MDGA2: variants seen among roughly 807,000 people sequenced by gnomAD.
MDGA2 encodes MAM domain containing glycosylphosphatidylinositol anchor 2.
Under a neutral mutation model 117.8 loss-of-function variants are expected in MDGA2, and 40 were observed. That is an observed-to-expected ratio of 0.34 (90% CI 0.26 to 0.44). The LOEUF is 0.44. Ranked by LOEUF, MDGA2 falls within the 20% of genes least tolerant of loss-of-function variation. The pLI, the probability that MDGA2 is intolerant of heterozygous loss-of-function variation, is 1.00. For synonymous variants in MDGA2, 452 were observed against 439.0 expected (o/e 1.03, Z -0.37); for missense variants, 1,123 against 1,250.6 (o/e 0.90, Z 1.54).
intron 1 of MDGA2, among the ~76,000 whole-genome samples, chr14:47,404,868 T>A (rs1385731967): frequency 6.6e-6 from 1 of 152,170 alleles, no homozygotes; most frequent in African/African-American, 2.4e-5. Flanking sequence ...ATGACAGATA[T>A]CTTTTAAGTA....
In MDGA2 at chr14:47,323,920, G is replaced by A. The variant is rs1438201583; in HGVS notation, c.281-22370C>T. On this transcript the variant is annotated intron_variant, in intron 1 of 16. Transcript: ENST00000399232. ...AATTCAATTTGATGAATATTTAATT[G>A]AGTAGCTACTCTATACAAAATGGTG... is the stretch of plus-strand genomic sequence containing the variant. 3.3e-5 allele frequency among the ~76,000 whole-genome samples: 5 copies of A among 152,094 alleles called. No homozygotes were observed. The East Asian group carries it at 9.7e-4, about 30-fold the overall frequency.
rs114956194 is a variant in MDGA2 at position 47,191,796 on chromosome 14, G to T, written c.595+26225C>A. Among the ~76,000 whole-genome samples, 7 of 152,206 alleles carry T rather than the reference G, an allele frequency of 4.6e-5. No homozygotes were observed. The East Asian group carries it at 1.4e-3, about 29-fold the overall frequency. On this transcript the variant is annotated intron_variant, in intron 3 of 16. Transcript: ENST00000399232. ...ACCGCAGTCAGAAAAGAGTAATATT[G>T]CATATCTACTGTTTAGCTTTTCTTC...
intron 8 of MDGA2, among the ~76,000 whole-genome samples, chr14:46,990,769 T>C (rs1887056810): frequency 6.6e-6 from 1 of 151,910 alleles, no homozygotes; most frequent in South Asian, 2.1e-4. Context: ...TTGCTGGTTA[T>C]AGCAATGTGC....
chr14:46,845,707 A>G, intron 16 of MDGA2, 59 bp downstream of exon 16: 2 of 1,028,132 alleles, frequency 1.9e-6, no homozygotes, highest in Non-Finnish European at 2.9e-6. Flanking sequence ...TTAAATGTTA[A>G]TTTAATAGTA....
intron 1 of MDGA2, among the ~76,000 whole-genome samples, chr14:47,404,590 G>A (rs1179361033): frequency 1.3e-5 from 2 of 152,110 alleles, no homozygotes; most frequent in Non-Finnish European, 2.9e-5. Context: ...AAACTCCTGG[G>A]CTCCAGTGAT....
chr14:47,091,322 C>T (rs1165914996), intron 6 of MDGA2, among the ~76,000 whole-genome samples: 1 of 151,976 alleles, frequency 6.6e-6, no homozygotes, highest in Non-Finnish European at 1.5e-5. Flanking sequence ...CTAAATAAGA[C>T]AATAAACAGA....
At chr14:47,634,089 G>C (rs1050029410) in intron 1 of MDGA2, among the ~76,000 whole-genome samples, 1 of 152,078 alleles carries the variant, frequency 6.6e-6, no homozygotes, top group Admixed American at 6.5e-5. Flanking sequence ...TGTTTGTATA[G>C]TTTGACTCAG....
At chr14:47,444,877 T>C (rs1893089039) in intron 1 of MDGA2, among the ~76,000 whole-genome samples, 2 of 152,290 alleles carry the variant, frequency 1.3e-5, no homozygotes, top group Non-Finnish European at 2.9e-5. Flanking sequence ...GGAGGAGTTG[T>C]ACATTGAAAT....
chr14:47,357,236 G>C (rs1315197670), intron 1 of MDGA2, among the ~76,000 whole-genome samples: 1 of 152,154 alleles, frequency 6.6e-6, no homozygotes, highest in Non-Finnish European at 1.5e-5. Flanking sequence ...CACTATAATA[G>C]ACCCAAAAGG....
At chr14:47,020,940 T>C (rs1349269623) in intron 8 of MDGA2, among the ~76,000 whole-genome samples, 6 of 152,126 alleles carry the variant, frequency 3.9e-5, no homozygotes, top group Non-Finnish European at 7.4e-5. Flanking sequence ...AAGAAAATAA[T>C]TTTTAAATTA....
At chr14:46,912,967 G>C (rs1158894952) in intron 10 of MDGA2, among the ~76,000 whole-genome samples, 1 of 152,124 alleles carries the variant, frequency 6.6e-6, no homozygotes, top group Admixed American at 6.6e-5. Flanking sequence ...TCCAGAGCCA[G>C]AGAGACCATT....
intron 5 of MDGA2, among the ~76,000 whole-genome samples, chr14:47,121,045 C>T (rs1048803569): frequency 6.6e-6 from 1 of 152,000 alleles, no homozygotes; most frequent in African/African-American, 2.4e-5. Context: ...GAAGATTTAA[C>T]AAAAATGTAT....
At chr14:47,335,734 T>TTTTATATATATATA (rs1255206359) in intron 1 of MDGA2, among the ~76,000 whole-genome samples, 13 of 48,024 alleles carry the variant, frequency 2.7e-4, no homozygotes, top group Non-Finnish European at 3.4e-4. Context: ...CACATATATT[T>TTTTATATATATATA]TATATATATA....
intron 10 of MDGA2, among the ~76,000 whole-genome samples, chr14:46,892,801 T>G (rs571531227): frequency 2.6e-4 from 40 of 151,902 alleles, no homozygotes; most frequent in Non-Finnish European, 5.2e-4. Flanking sequence ...AAAACCAAAA[T>G]TAAATATCAT....
chr14:47,609,122 C>G (rs1380084554), intron 1 of MDGA2, among the ~76,000 whole-genome samples: 1 of 151,304 alleles, frequency 6.6e-6, no homozygotes, highest in African/African-American at 2.4e-5. Context: ...TGAGTAAGTT[C>G]TTTAGTGGTG....
chr14:47,443,303 G>T (rs1262972887), intron 1 of MDGA2, among the ~76,000 whole-genome samples: 1 of 152,074 alleles, frequency 6.6e-6, no homozygotes, highest in African/African-American at 2.4e-5. Flanking sequence ...AAATTTGTGG[G>T]TAGAAGACAC....
At chr14:47,077,956 T>G (rs1890557655) in intron 6 of MDGA2, among the ~76,000 whole-genome samples, 3 of 152,016 alleles carry the variant, frequency 2.0e-5, no homozygotes, top group Admixed American at 1.3e-4. Flanking sequence ...AGAAACAATT[T>G]TGGGGGACTA....
intron 1 of MDGA2, among the ~76,000 whole-genome samples, chr14:47,431,701 C>A (rs1271308821): frequency 6.6e-6 from 1 of 151,976 alleles, no homozygotes; most frequent in Non-Finnish European, 1.5e-5. Flanking sequence ...ATAAGTTATA[C>A]TTAACGGCAC....
At chr14:47,072,438 CTA>C (rs1299021828) in intron 6 of MDGA2, among the ~76,000 whole-genome samples, 2 of 152,116 alleles carry the variant, frequency 1.3e-5, no homozygotes, top group African/African-American at 2.4e-5. Flanking sequence ...GAAACAATGA[CTA>C]TTATGTTGGA....
Sources: gnomAD v4.1 joint callset for allele counts (sites outside exome capture counted in the v4.1 genomes callset) on GRCh38, gnomAD v4.1.1 for gene constraint, MANE v1.5 for transcripts, NCBI Gene and HGNC (gene_info 2026-07-23, HGNC 2026-07-21) for gene names.